SH2D1A: variants seen among roughly 807,000 people sequenced by gnomAD.
SH2D1A encodes the protein SH2 domain containing 1A.
A neutral mutation model predicts 10.1 loss-of-function variants in SH2D1A; 6 were observed. The ratio of observed to expected loss-of-function variants is 0.60; its 90% CI spans 0.33 to 1.18. The LOEUF (loss-of-function observed/expected upper bound fraction) is 1.18. Among genes scored for constraint, SH2D1A ranks in the 50% most tolerant of loss-of-function variants. The pLI, the probability that SH2D1A is intolerant of heterozygous loss-of-function variation, is 0.04. For synonymous variants in SH2D1A, 42 were observed against 36.9 expected (o/e 1.14, Z -0.51); for missense variants, 51 against 97.6 (o/e 0.52, Z 2.01).
intron 1 of SH2D1A, chrX:124,353,156 A>G (rs1199812053): frequency 1.3e-5 from 2 of 151,012 alleles, no homozygotes; most frequent in African/African-American, 6.2e-5. Flanking sequence ...TTTTGAAAAC[A>G]CCATTGGGGT....
chrX:124,371,426 A>T lies in SH2D1A; in HGVS notation c.*35A>T. Reference sequence around the variant, plus strand: ...AAACACCTTGTACTTTATTTTCTATAATTTAAATATATGCTAAGTCTTATA... The same window carrying T: ...AAACACCTTGTACTTTATTTTCTATTATTTAAATATATGCTAAGTCTTATA... On this transcript the variant is annotated 3_prime_UTR_variant, in exon 4 of 4. Coordinates refer to ENST00000371139, the MANE Select transcript of SH2D1A (RefSeq NM_002351.5). 1 of 939,671 alleles carries T rather than the reference A, an allele frequency of 1.1e-6. No individual in the cohort carries two copies. Among genetic ancestry groups the T allele is most frequent in the East Asian group, 3.1e-5 (1 of 32,043 alleles). 77.4% of individuals were successfully genotyped at this position (939,671 alleles called of 1,213,427 possible). A position where few individuals can be genotyped will look rare whatever the true frequency, so the allele number is the denominator to read the frequency against.
At position 124,370,294 on chromosome X, in the gene SH2D1A, C is replaced by G; in HGVS notation, c.320C>G (p.Ser107Ter). Reference protein sequence around the residue: ...PLQYPVEKKSSARSTQGTTGI... With the variant: ...PLQYPVEKKS ...CAGTATCCAGTTGAGAAGAAGTCCT[C>G]AGCTAGAAGTACACAAGGTACTACA... The change falls in exon 3 of 4, where the codon TCA (serine) becomes TGA (stop). Residue 107 changes from serine to a stop codon, truncating the protein, a stop_gained. Transcript: ENST00000371139. LOFTEE classifies it high-confidence loss of function. 3 of 1,205,010 alleles carry G rather than the reference C, an allele frequency of 2.5e-6. No individual in the cohort carries two copies. The highest frequency in any genetic ancestry group is 3.4e-6 in the Non-Finnish European group (3 of 889,442).
At chrX:124,365,266 C>T (rs1278010692) in intron 1 of SH2D1A, among the ~76,000 whole-genome samples, 1 of 109,772 alleles carries the variant, frequency 9.1e-6, no homozygotes, top group African/African-American at 3.3e-5. Context: ...TAGTTATATT[C>T]AATTTATAGT....
Position 124,346,936 on chromosome X carries a change from T to C in SH2D1A, c.137+157T>C, listed in dbSNP as rs189384575. On this transcript the variant is annotated intron_variant, in intron 1 of 3. Coordinates refer to ENST00000371139, the MANE Select transcript of SH2D1A (RefSeq NM_002351.5). ...CACCCTCAAGTCCAGCCCAGGGCCG[T>C]GGTGGAACACACTTTCGCCTCAATC... is the stretch of plus-strand genomic sequence containing the variant. Among the ~76,000 whole-genome samples, 708 of 111,838 alleles carry C rather than the reference T, an allele frequency of 6.3e-3. 8 individuals carry two copies. The highest frequency in any genetic ancestry group is 0.022 in the African/African-American group (673 of 30,740).
At chrX:124,354,053 T>C (rs974302918) in intron 1 of SH2D1A, among the ~76,000 whole-genome samples, 6 of 112,062 alleles carry the variant, frequency 5.4e-5, no homozygotes, top group Admixed American at 1.9e-4. Context: ...TTGAATTCAA[T>C]TGGATATGTG....
At position 124,362,351 on chromosome X, in the gene SH2D1A, C is replaced by T. The variant is rs193095620; in HGVS notation, c.138-3410C>T. On this transcript the variant is annotated intron_variant, in intron 1 of 3. Coordinates refer to ENST00000371139, the MANE Select transcript of SH2D1A (RefSeq NM_002351.5). Reference sequence around the variant, plus strand: ...GGGGTGATGCTGCTTTTCCAGTGAACCTGAAGGGCAGAATATTGAATCGAA... The same window carrying T: ...GGGGTGATGCTGCTTTTCCAGTGAATCTGAAGGGCAGAATATTGAATCGAA... Among the ~76,000 whole-genome samples the T allele has an allele frequency of 2.7e-5, 3 of 112,279 alleles. No homozygotes were observed. The East Asian group carries it at 8.4e-4, about 31-fold the overall frequency.
chrX:124,366,210 A>C (rs2060054083), intron 2 of SH2D1A, among the ~76,000 whole-genome samples: 1 of 111,070 alleles, frequency 9.0e-6, no homozygotes. Context: ...ATTTTCTAAG[A>C]GACTACAATA....
At chrX:124,365,615 C>G in intron 1 of SH2D1A, 146 bp from the exon 2 acceptor site, 1 of 456,940 alleles carries the variant, frequency 2.2e-6, no homozygotes, top group East Asian at 3.7e-5. Context: ...AAGTTAGATT[C>G]ACTATGCTTT....
At chrX:124,365,666 G>T (rs1436905956) in intron 1 of SH2D1A, 95 bp from the exon 2 acceptor site, 1 of 607,313 alleles carries the variant, frequency 1.6e-6, no homozygotes, top group African/African-American at 2.2e-5. Flanking sequence ...GTGTGTCCTA[G>T]TATATGTGAC....
chrX:124,372,602 A>G lies in SH2D1A; in HGVS notation c.*1211A>G. On this transcript the variant is annotated 3_prime_UTR_variant, in exon 4 of 4. Transcript: ENST00000371139. ...ATGATAAGCGAGGTTCCCCGTGTGT[A>G]GGTAGATCTGGTCTTTAGAGGCAGA... 1 of 169,707 alleles carries G rather than the reference A, an allele frequency of 5.9e-6. No individual in the cohort carries two copies. Among genetic ancestry groups the G allele is most frequent in the East Asian group, 8.4e-5 (1 of 11,853 alleles). The allele number at this position is 169,707 out of a possible 1,213,427, so 14.0% of individuals were successfully genotyped here. A position where few individuals can be genotyped will look rare whatever the true frequency, so the allele number is the denominator to read the frequency against.
At chrX:124,349,415 G>A (rs775259158) in intron 1 of SH2D1A, among the ~76,000 whole-genome samples, 1 of 111,193 alleles carries the variant, frequency 9.0e-6, no homozygotes, top group Non-Finnish European at 1.9e-5. Flanking sequence ...AATAAACCAC[G>A]TACTCATTTT....
Position 124,347,013 on chromosome X carries a change from C to A in SH2D1A, c.137+234C>A, listed in dbSNP as rs1467477412. On this transcript the variant is annotated intron_variant, in intron 1 of 3. Coordinates refer to ENST00000371139, the MANE Select transcript of SH2D1A (RefSeq NM_002351.5). ...CCTCCTGCTCTCCAGAAGGCCCTCACCAGAGCCTTTTGGGGCAGCTGCAGA... is the reference window on the plus strand; with the variant it reads ...CCTCCTGCTCTCCAGAAGGCCCTCAACAGAGCCTTTTGGGGCAGCTGCAGA... 2.7e-5 allele frequency among the ~76,000 whole-genome samples: 3 copies of A among 111,490 alleles called. No homozygotes were observed. The East Asian group carries it at 8.4e-4, about 31-fold the overall frequency.
Position 124,346,745 on chromosome X carries a change from G to A in SH2D1A, c.103G>A (p.Glu35Lys), listed in dbSNP as rs2147519489. Residue 35 changes from glutamate to lysine, a missense_variant, in exon 1 of 4, where the codon GAG becomes AAG. Glu to Lys is a moderately conservative substitution (Grantham distance 56). Coordinates refer to ENST00000371139, the MANE Select transcript of SH2D1A (RefSeq NM_002351.5). ...LDGSYLLRDS[E>K]SVPGVYCLCV... ...TGGCAGCTATTTGCTGAGGGACAGC[G>A]AGAGCGTGCCAGGCGTGTACTGCCT... 8.3e-7 allele frequency: 1 copy of A among 1,211,808 alleles called. No individual in the cohort carries two copies. The highest frequency in any genetic ancestry group is 1.1e-6 in the Non-Finnish European group (1 of 895,349).
chrX:124,355,112 C>T (rs2060023209), intron 1 of SH2D1A, among the ~76,000 whole-genome samples: 1 of 112,579 alleles, frequency 8.9e-6, no homozygotes, highest in South Asian at 3.6e-4. Flanking sequence ...ACGTAGAGGG[C>T]ATAGGTACTG....
intron 2 of SH2D1A, among the ~76,000 whole-genome samples, chrX:124,367,064 A>G (rs897591648): frequency 2.7e-5 from 3 of 111,463 alleles, no homozygotes; most frequent in African/African-American, 9.8e-5. Flanking sequence ...CATTTTGAGT[A>G]TAACATCATA....
At position 124,347,068 on chromosome X, in the gene SH2D1A, C is replaced by A. The variant is rs775875967; in HGVS notation, c.137+289C>A. 7.2e-5 allele frequency among the ~76,000 whole-genome samples: 8 copies of A among 111,512 alleles called. No individual in the cohort carries two copies. The South Asian group carries it at 3.1e-3, about 43-fold the overall frequency. ...GCCATTTCGGGTGGTGAAATGTGGT[C>A]CACAGTTTACCTTCGCTCCGGGAAA... On this transcript the variant is annotated intron_variant, in intron 1 of 3. Coordinates refer to ENST00000371139, the MANE Select transcript of SH2D1A (RefSeq NM_002351.5).
intron 2 of SH2D1A, among the ~76,000 whole-genome samples, chrX:124,366,308 G>T (rs1031179139): frequency 1.8e-5 from 2 of 111,054 alleles, no homozygotes; most frequent in East Asian, 2.8e-4. Flanking sequence ...TCCAGGTCTG[G>T]TCTCCCCTCC....
chrX:124,359,252 C>A (rs2147527295), intron 1 of SH2D1A, among the ~76,000 whole-genome samples: 1 of 111,780 alleles, frequency 8.9e-6, no homozygotes. Context: ...CGTTAGGAAA[C>A]AATTCTCAAA....
At chrX:124,358,289 T>G (rs1053042748) in intron 1 of SH2D1A, among the ~76,000 whole-genome samples, 1 of 111,906 alleles carries the variant, frequency 8.9e-6, no homozygotes, top group African/African-American at 3.3e-5. Context: ...TGAAAATCTT[T>G]GTCAAATTGC....
Sources: allele counts gnomAD v4.1 joint callset (sites outside exome capture counted in the v4.1 genomes callset), GRCh38; gene constraint gnomAD v4.1.1; transcripts MANE v1.5; gene names NCBI Gene and HGNC (gene_info 2026-07-23, HGNC 2026-07-21).